Variants in NALF1 observed in about 807,000 individuals in gnomAD.
NALF1 encodes family with sequence similarity 155 member A.
In NALF1, 3 loss-of-function variants were observed where a neutral mutation model predicts 48.4. The ratio of observed to expected loss-of-function variants is 0.06; its 90% confidence interval spans 0.03 to 0.16. The LOEUF is 0.16. Among genes scored for constraint, NALF1 ranks in the 10% least tolerant of loss-of-function variants. The pLI, the probability that NALF1 is intolerant of heterozygous loss-of-function variation, is 1.00. For missense variants in NALF1, 526 were observed against 571.5 expected, an observed-to-expected ratio of 0.92 and a Z score of 0.81; for synonymous variants, 262 against 245.7, an observed-to-expected ratio of 1.07 and a Z score of -0.62.
intron 1 of NALF1, among the ~76,000 whole-genome samples, chr13:107,712,921 C>T (rs570000250): frequency 2.6e-5 from 4 of 152,320 alleles, no homozygotes; most frequent in African/African-American, 7.2e-5. Context: ...GACACTGAGT[C>T]TGAGGGTCCA....
chr13:107,411,720 C>T (rs925484972), intron 1 of NALF1, among the ~76,000 whole-genome samples: 2 of 152,160 alleles, frequency 1.3e-5, no homozygotes, highest in African/African-American at 4.8e-5. Context: ...TTATGCCAAC[C>T]CACTCCCCTG....
intron 1 of NALF1, among the ~76,000 whole-genome samples, chr13:107,549,907 C>T (rs906395196): frequency 5.9e-5 from 9 of 151,730 alleles, no homozygotes; most frequent in South Asian, 2.1e-4. Context: ...TTCCTGTCAA[C>T]TATTCTGTTC....
chr13:107,601,300 G>T (rs1177421868), intron 1 of NALF1, among the ~76,000 whole-genome samples: 3 of 152,250 alleles, frequency 2.0e-5, no homozygotes, highest in African/African-American at 7.2e-5. Context: ...AATTCCCCTA[G>T]AACACTTAAA....
intron 1 of NALF1, among the ~76,000 whole-genome samples, chr13:107,693,334 G>GGGGGGGGGGGA (rs535333019): frequency 3.2e-5 from 4 of 124,068 alleles, no homozygotes; most frequent in Non-Finnish European, 6.9e-5. Context: ...AGGGTAGGGG[G>GGGGGGGGGGGA]GGCGGGAGGG....
intron 1 of NALF1, among the ~76,000 whole-genome samples, chr13:107,218,307 T>C (rs923031106): frequency 9.9e-5 from 15 of 152,180 alleles, no homozygotes; most frequent in Admixed American, 8.5e-4. Flanking sequence ...TCTGCCTCCT[T>C]CCCAGACCCT....
At chr13:107,522,501 A>G (rs1420301754) in intron 1 of NALF1, among the ~76,000 whole-genome samples, 1 of 152,084 alleles carries the variant, frequency 6.6e-6, no homozygotes, top group East Asian at 1.9e-4. Flanking sequence ...TTTCTTCTCT[A>G]CAGGCCACCT....
At chr13:107,363,479 G>C (rs547931295) in intron 1 of NALF1, among the ~76,000 whole-genome samples, 2 of 152,158 alleles carry the variant, frequency 1.3e-5, no homozygotes, top group African/African-American at 4.8e-5. Context: ...CACGCCTATA[G>C]TCCCAGCTAC....
At chr13:107,534,514 G>A (rs1374238353) in intron 1 of NALF1, among the ~76,000 whole-genome samples, 2 of 152,068 alleles carry the variant, frequency 1.3e-5, no homozygotes, top group African/African-American at 2.4e-5. Context: ...AGAATGTGCA[G>A]GTTTATTACA....
chr13:107,239,792 A>G (rs977878092), intron 1 of NALF1, among the ~76,000 whole-genome samples: 3 of 152,164 alleles, frequency 2.0e-5, no homozygotes, highest in African/African-American at 7.2e-5. Flanking sequence ...CACCACCAAC[A>G]CACCCCAAAA....
chr13:107,287,099 A>C (rs1003215527), intron 1 of NALF1, among the ~76,000 whole-genome samples: 1 of 152,226 alleles, frequency 6.6e-6, no homozygotes, highest in African/African-American at 2.4e-5. Flanking sequence ...TGCACGCATA[A>C]ACAGTATTCT....
At position 107,400,781 on chromosome 13, in the gene NALF1, A is replaced by T. The variant is rs1883791496; in HGVS notation, c.916-190026T>A. On this transcript the variant is annotated intron_variant, in intron 1 of 2. Transcript: ENST00000375915. ...GTTTAACCTGCATAAACACTTAGAA[A>T]ACTTCACTTGTGAATCTTGAAGAAT... is the stretch of plus-strand genomic sequence containing the variant. 2.0e-5 allele frequency among the ~76,000 whole-genome samples: 3 copies of T among 152,176 alleles called. No homozygotes were observed. The South Asian group carries it at 6.2e-4, about 32-fold the overall frequency.
At chr13:107,187,473 G>A (rs1001767289) in intron 2 of NALF1, among the ~76,000 whole-genome samples, 6 of 152,148 alleles carry the variant, frequency 3.9e-5, no homozygotes, top group Non-Finnish European at 7.4e-5. Flanking sequence ...GAGGGGATGG[G>A]AAACAAGTAG....
Position 107,480,823 on chromosome 13 carries a change from G to A in NALF1, c.916-270068C>T, listed in dbSNP as rs78451938. On this transcript the variant is annotated intron_variant, in intron 1 of 2. Transcript: ENST00000375915. The stretch of plus-strand genomic sequence containing the variant: ...ATGAGATAAGGAAAGTCTAAAGCTC[G>A]AACGAAGCAATAATATTTGCTAAAA... Among the ~76,000 whole-genome samples, 17 of 152,204 alleles carry A rather than the reference G, an allele frequency of 1.1e-4. No homozygotes were observed. The East Asian group carries it at 2.7e-3, about 24-fold the overall frequency.
At chr13:107,432,519 T>C (rs571395189) in intron 1 of NALF1, among the ~76,000 whole-genome samples, 4 of 152,224 alleles carry the variant, frequency 2.6e-5, no homozygotes, top group Non-Finnish European at 4.4e-5. Context: ...GACCTAAGCA[T>C]TGGAAAGTGT....
intron 1 of NALF1, among the ~76,000 whole-genome samples, chr13:107,851,573 G>C (rs1257975122): frequency 6.6e-6 from 1 of 151,978 alleles, no homozygotes; most frequent in Non-Finnish European, 1.5e-5. Flanking sequence ...ATCTGACTTA[G>C]AGCTTACTAC....
intron 1 of NALF1, among the ~76,000 whole-genome samples, chr13:107,633,462 T>C (rs1186994258): frequency 1.3e-5 from 2 of 151,984 alleles, no homozygotes; most frequent in African/African-American, 2.4e-5. Flanking sequence ...ATTTTATAGA[T>C]GATCTTTGTG....
chr13:107,660,030 C>T (rs889305274), intron 1 of NALF1, among the ~76,000 whole-genome samples: 13 of 151,944 alleles, frequency 8.6e-5, no homozygotes. Flanking sequence ...CGCACCTGGC[C>T]AAATATTTTC....
chr13:107,661,083 G>A (rs1017658337), intron 1 of NALF1, among the ~76,000 whole-genome samples: 1 of 152,184 alleles, frequency 6.6e-6, no homozygotes, highest in Non-Finnish European at 1.5e-5. Context: ...GAGCGGGATT[G>A]GAGCACCTCT....
chr13:107,503,473 G>A (rs117914932), intron 1 of NALF1, among the ~76,000 whole-genome samples: 1,756 of 152,232 alleles, frequency 0.012, 18 homozygotes, highest in Middle Eastern at 0.031. Context: ...AGGTGTGGCA[G>A]AAAGGGAACC....
Sources: gnomAD v4.1 joint callset for allele counts (sites outside exome capture counted in the v4.1 genomes callset) on GRCh38, gnomAD v4.1.1 for gene constraint, MANE v1.5 for transcripts, NCBI Gene and HGNC (gene_info 2026-07-23, HGNC 2026-07-21) for gene names.